BNC2: variants seen among roughly 807,000 people sequenced by gnomAD.
The protein encoded by BNC2 is zinc finger protein basonuclin-2.
A neutral mutation model predicts 76.3 loss-of-function variants in BNC2; 20 were observed. The observed-to-expected ratio is 0.26, with a 90% CI of 0.18 to 0.38. The LOEUF (loss-of-function observed/expected upper bound fraction) is 0.38, where lower values mean the gene tolerates loss of function less well. BNC2 is among the 10% of genes least tolerant of loss of function. The pLI is 1.00. For missense variants in BNC2, 1,382 were observed against 1,399.8 expected, an observed-to-expected ratio of 0.99 and a Z score of 0.20; for synonymous variants, 582 against 514.8, an observed-to-expected ratio of 1.13 and a Z score of -1.77.
intron 3 of BNC2, among the ~76,000 whole-genome samples, chr9:16,719,442 T>G (rs1389755884): frequency 1.3e-5 from 2 of 152,222 alleles, no homozygotes; most frequent in African/African-American, 4.8e-5. Context: ...TGTTGTCATG[T>G]AAAACGTTCA....
intron 1 of BNC2, among the ~76,000 whole-genome samples, chr9:16,745,519 A>C (rs965415436): frequency 2.0e-5 from 3 of 152,184 alleles, no homozygotes; most frequent in Non-Finnish European, 4.4e-5. Flanking sequence ...TGCAGCACGT[A>C]CTTTCATTTT....
chr9:16,476,624 G>C (rs1428451263), intron 5 of BNC2, among the ~76,000 whole-genome samples: 1 of 150,494 alleles, frequency 6.6e-6, no homozygotes, highest in African/African-American at 2.4e-5. Flanking sequence ...TAGTCTGTAA[G>C]CTCCAAGAAA....
At position 16,436,326 on chromosome 9, in the gene BNC2, G is replaced by T. The variant is rs114596065; in HGVS notation, c.1868C>A (p.Pro623His). Residue 623 changes from proline to histidine, a missense_variant, in exon 6 of 7, where the codon CCC (proline) becomes CAC (histidine). Pro to His is a moderately conservative substitution (Grantham distance 77). Around this residue, in one of 3 missense-constraint regions of BNC2, gnomAD observed 798 missense variants for 775.5 expected, o/e 1.03. Coordinates refer to ENST00000380672, the MANE Select transcript of BNC2 (RefSeq NM_017637.6). ...VPAVMMATHEPSADLAPKKKP... is the reference protein window; with the variant it reads ...VPAVMMATHEHSADLAPKKKP... ...TTTCTTGGGTGCCAGGTCAGCACTG[G>T]GCTCATGGGTGGCCATCATCACTGC... 1.8e-3 allele frequency: 2,928 copies of T among 1,614,108 alleles called. 8 individuals are homozygous for T. The highest frequency in any genetic ancestry group is 0.011 in the African/African-American group (825 of 75,016).
chr9:16,670,622 A>G (rs1822448579), intron 3 of BNC2, among the ~76,000 whole-genome samples: 1 of 152,244 alleles, frequency 6.6e-6, no homozygotes, highest in Non-Finnish European at 1.5e-5. Flanking sequence ...TGCGTTACCT[A>G]TTCTAGATCA....
chr9:16,733,428 C>T (rs1428864908), intron 2 of BNC2, among the ~76,000 whole-genome samples: 2 of 151,830 alleles, frequency 1.3e-5, no homozygotes. Context: ...AGAAGTAAAA[C>T]AATAATTTCA....
At chr9:16,828,439 C>T (rs529011461) in intron 1 of BNC2, among the ~76,000 whole-genome samples, 15 of 152,272 alleles carry the variant, frequency 9.9e-5, no homozygotes, top group Admixed American at 7.8e-4. Flanking sequence ...AATACTGTCT[C>T]TTTAAGTTAC....
intron 3 of BNC2, among the ~76,000 whole-genome samples, chr9:16,722,963 A>T (rs996127919): frequency 6.6e-6 from 1 of 152,208 alleles, no homozygotes; most frequent in African/African-American, 2.4e-5. Flanking sequence ...CTTTAGTGTT[A>T]CATTATCAGA....
intron 1 of BNC2, among the ~76,000 whole-genome samples, chr9:16,829,908 G>A (rs1158745387): frequency 6.6e-6 from 1 of 152,080 alleles, no homozygotes; most frequent in Non-Finnish European, 1.5e-5. Flanking sequence ...TCACACTATA[G>A]GACACAAACC....
intron 3 of BNC2, among the ~76,000 whole-genome samples, chr9:16,606,630 TTCAAGCAATTCTCCAGCCCCAGCC>T (rs1257939228): frequency 4.6e-5 from 7 of 151,770 alleles, no homozygotes; most frequent in African/African-American, 9.7e-5. Flanking sequence ...CCCCACAACG[TTCAAGCAATTCTCCAGCCCCAGCC>T]TCAAGCAATT....
intron 3 of BNC2, among the ~76,000 whole-genome samples, chr9:16,614,776 G>A (rs911939309): frequency 6.6e-6 from 1 of 151,784 alleles, no homozygotes; most frequent in African/African-American, 2.4e-5. Flanking sequence ...GGGAAGCCCT[G>A]TCTCTACAAA....
intron 3 of BNC2, among the ~76,000 whole-genome samples, chr9:16,705,595 A>C (rs1006109878): frequency 3.9e-5 from 6 of 151,998 alleles, no homozygotes; most frequent in African/African-American, 1.4e-4. Flanking sequence ...GCTACTATTG[A>C]AAGTCTTCTG....
chr9:16,421,517 A>G (rs943114521), intron 6 of BNC2, among the ~76,000 whole-genome samples: 1 of 152,194 alleles, frequency 6.6e-6, no homozygotes. Flanking sequence ...ATAATCCAAA[A>G]ATCATAAATC....
In BNC2 at chr9:16,436,730, G is replaced by T. The variant is rs1821025535; in HGVS notation, c.1464C>A (p.Arg488=). Residue 488 remains arginine, a synonymous_variant, in exon 6 of 7, where the codon CGC becomes CGA. Transcript: ENST00000380672. ...GGCGAGGATTGGGGTTTGCACTGTG[G>T]CGATTACGACTTCGGAGGGAGCTAA... ...MVFSSLRSRN[R]HSANPNPRLH... 6.2e-7 allele frequency: 1 copy of T among 1,614,016 alleles called. No individual in the cohort carries two copies. Among genetic ancestry groups the T allele is most frequent in the Non-Finnish European group, 8.5e-7 (1 of 1,180,024 alleles).
intron 4 of BNC2, among the ~76,000 whole-genome samples, chr9:16,569,964 A>G (rs747299097): frequency 2.6e-5 from 4 of 152,202 alleles, no homozygotes; most frequent in Non-Finnish European, 5.9e-5. Context: ...ACTATAAAAC[A>G]TATCTCATTT....
chr9:16,685,059 T>G (rs1373173428), intron 3 of BNC2, among the ~76,000 whole-genome samples: 1 of 152,202 alleles, frequency 6.6e-6, no homozygotes, highest in Non-Finnish European at 1.5e-5. Flanking sequence ...GACCATATTG[T>G]AGGAAGCATG....
At chr9:16,837,912 G>C (rs765518213) in intron 1 of BNC2, among the ~76,000 whole-genome samples, 5 of 151,832 alleles carry the variant, frequency 3.3e-5, no homozygotes, top group Non-Finnish European at 7.4e-5. Context: ...TGGGCAACAA[G>C]AGTGAAACTC....
At chr9:16,465,289 A>G (rs1821680044) in intron 5 of BNC2, among the ~76,000 whole-genome samples, 1 of 152,138 alleles carries the variant, frequency 6.6e-6, no homozygotes, top group Admixed American at 6.5e-5. Flanking sequence ...TACAAAAATT[A>G]GCCAGGTGTG....
At chr9:16,822,889 A>G (rs1818373429) in intron 1 of BNC2, among the ~76,000 whole-genome samples, 1 of 152,206 alleles carries the variant, frequency 6.6e-6, no homozygotes, top group African/African-American at 2.4e-5. Context: ...AAATTACAGA[A>G]GCCTTGAACT....
intron 1 of BNC2, among the ~76,000 whole-genome samples, chr9:16,854,008 T>G (rs560147720): frequency 1.3e-5 from 2 of 152,338 alleles, no homozygotes; most frequent in South Asian, 4.1e-4. Flanking sequence ...TTCATAGACA[T>G]GGGACTTCTA....
Sources: allele counts gnomAD v4.1 joint callset (sites outside exome capture counted in the v4.1 genomes callset), GRCh38; gene constraint gnomAD v4.1.1; regional missense constraint gnomAD v4.1.1; transcripts MANE v1.5; gene names NCBI Gene and HGNC (gene_info 2026-07-23, HGNC 2026-07-21).